ZNF714: variants seen among roughly 807,000 people sequenced by gnomAD.
The protein encoded by ZNF714 is zinc finger protein 714.
Under a neutral mutation model 46.2 loss-of-function variants are expected in ZNF714, and 32 were observed. That is an observed-to-expected ratio of 0.69 (90% CI 0.52 to 0.93). The LOEUF (loss-of-function observed/expected upper bound fraction) is 0.93, where lower values mean the gene tolerates loss of function less well. ZNF714 is among the 40% of genes least tolerant of loss of function. The pLI, the probability that ZNF714 is intolerant of heterozygous loss-of-function variation, is 0.00. For missense variants in ZNF714, 635 were observed against 646.3 expected (o/e 0.98, Z 0.19); for synonymous variants, 199 against 213.1 (o/e 0.93, Z 0.58).
intron 2 of ZNF714, among the ~76,000 whole-genome samples, chr19:21,088,396 T>G (rs757572219): frequency 2.0e-5 from 3 of 152,172 alleles, no homozygotes; most frequent in Non-Finnish European, 4.4e-5. Flanking sequence ...GCATGGCTAA[T>G]TCCATATGTC....
chr19:21,120,932 A>G lies in ZNF714; in HGVS notation c.*2600A>G, dbSNP rs959567420. On this transcript the variant is annotated 3_prime_UTR_variant, in exon 5 of 5. Transcript: ENST00000456283. The stretch of plus-strand genomic sequence containing the variant: ...GCATATTTTAGTACAGGAATACAAT[A>G]TATAATAGTAGCATCAGGGTTAAGT... 2 of 152,234 alleles carry G rather than the reference A, an allele frequency of 1.3e-5. No homozygotes were observed. The highest frequency in any genetic ancestry group is 4.8e-5 in the African/African-American group (2 of 41,462). 9.4% of individuals were successfully genotyped at this position (152,234 alleles called of 1,614,324 possible).
At chr19:21,098,931 C>A (rs774301045) in intron 4 of ZNF714, 21 bp downstream of exon 4, 20 of 1,226,752 alleles carry the variant, frequency 1.6e-5, no homozygotes, top group East Asian at 2.4e-5. Context: ...GTGAACACAA[C>A]AGATGACACA....
intron 2 of ZNF714, among the ~76,000 whole-genome samples, chr19:21,096,451 C>T (rs983846961): frequency 2.6e-5 from 4 of 152,206 alleles, no homozygotes; most frequent in Non-Finnish European, 5.9e-5. Context: ...GCTGTGTCCA[C>T]TCTGCCTCCT....
In ZNF714 at chr19:21,123,687, A is replaced by G. The variant is rs1361989205; in HGVS notation, c.*5355A>G. On this transcript the variant is annotated 3_prime_UTR_variant, in exon 5 of 5. Coordinates refer to ENST00000456283, the MANE Select transcript of ZNF714 (RefSeq NM_182515.4). The stretch of plus-strand genomic sequence containing the variant: ...TAATTTTCTATGATATAATTACAGC[A>G]CAATTTACATTTCCGTGCAGAATCT... 1 of 152,204 alleles carries G rather than the reference A, an allele frequency of 6.6e-6. No individual in the cohort carries two copies. The highest frequency in any genetic ancestry group is 6.5e-5 in the Admixed American group (1 of 15,280). The allele number at this position is 152,204 out of a possible 1,614,324, so 9.4% of individuals were successfully genotyped here. A position where few individuals can be genotyped will look rare whatever the true frequency, so the allele number is the denominator to read the frequency against.
intron 2 of ZNF714, among the ~76,000 whole-genome samples, chr19:21,088,699 G>A (rs1260663775): frequency 6.6e-6 from 1 of 152,098 alleles, no homozygotes; most frequent in African/African-American, 2.4e-5. Flanking sequence ...ATTAATCAGG[G>A]TTCTTTTATA....
chr19:21,104,767 C>G (rs1462713492), intron 4 of ZNF714, among the ~76,000 whole-genome samples: 1 of 151,862 alleles, frequency 6.6e-6, no homozygotes, highest in Non-Finnish European at 1.5e-5. Flanking sequence ...TACCTGCCAT[C>G]ATGCCTGGCT....
At chr19:21,108,337 A>G (rs764038816) in intron 4 of ZNF714, among the ~76,000 whole-genome samples, 1 of 152,196 alleles carries the variant, frequency 6.6e-6, no homozygotes. Context: ...TTTTGTACCT[A>G]TCTGTTAAGC....
At position 21,118,514 on chromosome 19, in the gene ZNF714, T is replaced by A. The variant is rs1321278846; in HGVS notation, c.*182T>A. 3.0e-6 allele frequency: 1 copy of A among 336,174 alleles called. No individual in the cohort carries two copies. The highest frequency in any genetic ancestry group is 2.2e-5 in the African/African-American group (1 of 46,188). 20.8% of individuals were successfully genotyped at this position (336,174 alleles called of 1,614,324 possible). A position where few individuals can be genotyped will look rare whatever the true frequency, so the allele number is the denominator to read the frequency against. ...AACGAAACCCTACAATTGTGAAGAATGTGCCAGTGCTTTCAACCAGTCCTC... is the reference window on the plus strand; with the variant it reads ...AACGAAACCCTACAATTGTGAAGAAAGTGCCAGTGCTTTCAACCAGTCCTC... On this transcript the variant is annotated 3_prime_UTR_variant, in exon 5 of 5. Transcript: ENST00000456283.
chr19:21,093,844 G>T (rs555266988), intron 2 of ZNF714, among the ~76,000 whole-genome samples: 1 of 152,062 alleles, frequency 6.6e-6, no homozygotes, highest in Non-Finnish European at 1.5e-5. Context: ...ATGTTGCCCA[G>T]GCTGGTCTTG....
chr19:21,085,964 G>A (rs1968769818), intron 2 of ZNF714, among the ~76,000 whole-genome samples: 1 of 151,936 alleles, frequency 6.6e-6, no homozygotes, highest in African/African-American at 2.4e-5. Flanking sequence ...GCATAGTTTA[G>A]GCCAACAAGG....
At chr19:21,099,349 T>C (rs1449854586) in intron 4 of ZNF714, among the ~76,000 whole-genome samples, 1 of 152,040 alleles carries the variant, frequency 6.6e-6, no homozygotes, top group Non-Finnish European at 1.5e-5. Context: ...AGCTAATTGT[T>C]TTGTATTTTT....
chr19:21,098,133 G>T (rs1268727255), intron 2 of ZNF714, 52 bp from the exon 3 acceptor site: 1 of 1,546,644 alleles, frequency 6.5e-7, no homozygotes, highest in Non-Finnish European at 8.7e-7. Context: ...AATAAATTCT[G>T]CCCATGGCCA....
At chr19:21,089,761 T>C (rs1348146418) in intron 2 of ZNF714, among the ~76,000 whole-genome samples, 1 of 151,552 alleles carries the variant, frequency 6.6e-6, no homozygotes, top group African/African-American at 2.4e-5. Flanking sequence ...TACAACAGAT[T>C]TGTTACAGCT....
intron 4 of ZNF714, among the ~76,000 whole-genome samples, chr19:21,111,646 C>T (rs1409191753): frequency 6.6e-6 from 1 of 152,068 alleles, no homozygotes; most frequent in African/African-American, 2.4e-5. Flanking sequence ...AGAGGGCATC[C>T]TTGTCTAGTG....
chr19:21,098,173 T>C lies in ZNF714; in HGVS notation c.-84-12T>C, dbSNP rs1969088532. ...GTAAATATACGTGTGTCTGTGCGTA[T>C]GTGTTTTTCAGGAGACGTTGACATT... is the stretch of plus-strand genomic sequence containing the variant. On this transcript the variant is annotated splice_polypyrimidine_tract_variant and intron_variant, in intron 2 of 4. Coordinates refer to ENST00000456283, the MANE Select transcript of ZNF714 (RefSeq NM_182515.4). The C allele has an allele frequency of 2.5e-6, 4 of 1,605,198 alleles. No individual in the cohort carries two copies. Among genetic ancestry groups the C allele is most frequent in the Non-Finnish European group, 3.4e-6 (4 of 1,177,964 alleles).
chr19:21,092,597 C>G (rs142888749), intron 2 of ZNF714, among the ~76,000 whole-genome samples: 1 of 152,132 alleles, frequency 6.6e-6, no homozygotes, highest in East Asian at 1.9e-4. Context: ...TTCAACTTTT[C>G]TTTTTGGTTC....
chr19:21,104,608 A>G (rs560277348), intron 4 of ZNF714, among the ~76,000 whole-genome samples: 3 of 150,668 alleles, frequency 2.0e-5, no homozygotes, highest in African/African-American at 7.3e-5. Flanking sequence ...ATTTATTTAT[A>G]TATTTATTTA....
At chr19:21,092,598 T>TG (rs755490444) in intron 2 of ZNF714, among the ~76,000 whole-genome samples, 11 of 152,210 alleles carry the variant, frequency 7.2e-5, no homozygotes, top group Non-Finnish European at 1.5e-4. Flanking sequence ...TCAACTTTTC[T>TG]TTTTGGTTCA....
intron 2 of ZNF714, 49 bp from the exon 3 acceptor site, chr19:21,098,136 C>T: frequency 1.3e-6 from 2 of 1,547,536 alleles, no homozygotes; most frequent in Non-Finnish European, 1.7e-6. Context: ...AAATTCTGCC[C>T]ATGGCCACTT....
Sources: allele counts gnomAD v4.1 joint callset (sites outside exome capture counted in the v4.1 genomes callset), GRCh38; gene constraint gnomAD v4.1.1; transcripts MANE v1.5; gene names NCBI Gene and HGNC (gene_info 2026-07-23, HGNC 2026-07-21).